Variants in LRP1B observed in about 807,000 individuals in gnomAD.
LRP1B encodes the protein low-density lipoprotein receptor-related protein 1B.
A neutral mutation model predicts 556.6 loss-of-function variants in LRP1B; 217 were observed. That is an observed-to-expected ratio of 0.39 (90% confidence interval 0.35 to 0.44). LRP1B has a LOEUF of 0.44. Ranked by LOEUF, LRP1B falls within the 20% of genes least tolerant of loss-of-function variation. LRP1B has a pLI of 1.00. For missense variants in LRP1B, 5,053 were observed against 5,620.8 expected, an observed-to-expected ratio of 0.90 and a Z score of 3.23; for synonymous variants, 2,047 against 1,865.8, an observed-to-expected ratio of 1.10 and a Z score of -2.50.
In LRP1B at chr2:140,526,343, G is replaced by A. The variant is rs763179654; in HGVS notation, c.7770C>T (p.Thr2590=). The change falls in exon 48 of 91, where the codon ACC becomes ACT. Residue 2590 remains threonine, a synonymous_variant. Coordinates refer to ENST00000389484, the MANE Select transcript of LRP1B (RefSeq NM_018557.3). The part of the protein sequence containing the change: ...NSDELDCKVS[T]CATVEFRCAD... ...CACAGCGGAACTCAACCGTGGCACAGGTTGAAACTAGAAAAACAGGTACAT... is the reference window on the plus strand; with the variant it reads ...CACAGCGGAACTCAACCGTGGCACAAGTTGAAACTAGAAAAACAGGTACAT... The A allele has an allele frequency of 6.2e-7, 1 of 1,607,680 alleles. No homozygotes were observed. Among genetic ancestry groups the A allele is most frequent in the African/African-American group, 1.3e-5 (1 of 74,644 alleles).
chr2:140,636,930 C>T (rs1378538254), intron 41 of LRP1B, among the ~76,000 whole-genome samples: 6 of 152,064 alleles, frequency 3.9e-5, no homozygotes, highest in African/African-American at 1.4e-4. Context: ...AGTCTAAAGC[C>T]ACCAGATTGA....
At chr2:140,897,889 C>T (rs992301212) in intron 23 of LRP1B, among the ~76,000 whole-genome samples, 3 of 152,144 alleles carry the variant, frequency 2.0e-5, no homozygotes, top group Non-Finnish European at 4.4e-5. Context: ...AGCTTGCAGA[C>T]AGCCTATTGT....
chr2:141,276,856 C>A (rs918454421), intron 3 of LRP1B, among the ~76,000 whole-genome samples: 1 of 152,020 alleles, frequency 6.6e-6, no homozygotes, highest in Non-Finnish European at 1.5e-5. Flanking sequence ...TGGGGTTTCA[C>A]CCTGTTAGCC....
At chr2:142,114,962 A>G (rs1707131407) in intron 1 of LRP1B, among the ~76,000 whole-genome samples, 1 of 152,184 alleles carries the variant, frequency 6.6e-6, no homozygotes, top group Admixed American at 6.6e-5. Context: ...CCCAGTTTCA[A>G]TCATTACACA....
chr2:140,862,029 CTT>C (rs1474632642), intron 27 of LRP1B, among the ~76,000 whole-genome samples: 2 of 152,142 alleles, frequency 1.3e-5, no homozygotes, highest in Non-Finnish European at 2.9e-5. Context: ...CTGTAATACT[CTT>C]AAGAAATCTT....
intron 35 of LRP1B, among the ~76,000 whole-genome samples, chr2:140,736,602 A>T (rs1005833111): frequency 1.3e-5 from 2 of 152,184 alleles, no homozygotes; most frequent in Non-Finnish European, 2.9e-5. Flanking sequence ...ATCTTTGACA[A>T]ACCTGACAAA....
At chr2:142,004,050 CA>C (rs1455301870) in intron 1 of LRP1B, among the ~76,000 whole-genome samples, 1 of 152,194 alleles carries the variant, frequency 6.6e-6, no homozygotes, top group African/African-American at 2.4e-5. Flanking sequence ...CATTTAATAA[CA>C]GCTATTATGT....
chr2:140,736,576 C>T (rs887555761), intron 35 of LRP1B, among the ~76,000 whole-genome samples: 1 of 152,080 alleles, frequency 6.6e-6, no homozygotes, highest in African/African-American at 2.4e-5. Context: ...TAATACCACA[C>T]ATCTACAACC....
chr2:140,729,408 A>G (rs1411975685), intron 35 of LRP1B, among the ~76,000 whole-genome samples: 4 of 152,168 alleles, frequency 2.6e-5, no homozygotes, highest in African/African-American at 7.2e-5. Flanking sequence ...CCAAATTCAC[A>G]GGTGACACAT....
At chr2:141,202,667 C>A (rs1393373396) in intron 6 of LRP1B, among the ~76,000 whole-genome samples, 1 of 152,048 alleles carries the variant, frequency 6.6e-6, no homozygotes. Flanking sequence ...CTCTGGTGGT[C>A]AGTGATGTTG....
intron 18 of LRP1B, among the ~76,000 whole-genome samples, chr2:140,981,288 A>C (rs532903765): frequency 6.6e-6 from 1 of 151,994 alleles, no homozygotes; most frequent in African/African-American, 2.4e-5. Flanking sequence ...GGTTAAAAAA[A>C]CCTATTTTTC....
intron 43 of LRP1B, among the ~76,000 whole-genome samples, chr2:140,566,399 C>G (rs1681126993): frequency 6.6e-6 from 1 of 152,134 alleles, no homozygotes; most frequent in Admixed American, 6.5e-5. Context: ...TAAAGTTGTT[C>G]ACCTCCTCCT....
In LRP1B at chr2:140,795,567, C is replaced by G. The variant is rs16844744; in HGVS notation, c.5359+18090G>C. Among the ~76,000 whole-genome samples, 819 of 152,128 alleles carry G rather than the reference C, an allele frequency of 5.4e-3. 9 individuals are homozygous for G. The highest frequency in any genetic ancestry group is 0.019 in the African/African-American group (780 of 41,512). ...TTTTCTTACACCATATCAGATAACGCTGATACTGATTATGAAAAGAGAGAA... is the reference window on the plus strand; with the variant it reads ...TTTTCTTACACCATATCAGATAACGGTGATACTGATTATGAAAAGAGAGAA... On this transcript the variant is annotated intron_variant, in intron 32 of 90. Coordinates refer to ENST00000389484, the MANE Select transcript of LRP1B (RefSeq NM_018557.3).
chr2:141,819,587 G>T (rs187514673), intron 1 of LRP1B, among the ~76,000 whole-genome samples: 1 of 152,274 alleles, frequency 6.6e-6, no homozygotes, highest in African/African-American at 2.4e-5. Context: ...GGATACTAGG[G>T]GCTGGAAAGG....
At chr2:141,928,465 A>ATTGGC (rs1700397444) in intron 1 of LRP1B, among the ~76,000 whole-genome samples, 1 of 152,162 alleles carries the variant, frequency 6.6e-6, no homozygotes, top group Non-Finnish European at 1.5e-5. Context: ...AACAACTGTC[A>ATTGGC]TTGGCTGAAT....
Position 141,119,526 on chromosome 2 carries a change from T to C in LRP1B, c.1014-57253A>G, listed in dbSNP as rs78996070. 9.6e-3 allele frequency among the ~76,000 whole-genome samples: 1,466 copies of C among 151,958 alleles called. 15 individuals are homozygous for C. Among genetic ancestry groups the C allele is most frequent in the Non-Finnish European group, 0.015 (1,034 of 67,822 alleles). ...ATGACTACATCTTCTTCCCAAAGGA[T>C]TGAATCACGTATGCCATTGTCATGC... is the stretch of plus-strand genomic sequence containing the variant. On this transcript the variant is annotated intron_variant, in intron 7 of 90. Coordinates refer to ENST00000389484, the MANE Select transcript of LRP1B (RefSeq NM_018557.3).
chr2:141,701,236 T>C (rs1165078461), intron 2 of LRP1B, among the ~76,000 whole-genome samples: 3 of 151,870 alleles, frequency 2.0e-5, no homozygotes, highest in African/African-American at 7.2e-5. Flanking sequence ...AATTCCTTAG[T>C]ATTTCTTACT....
At chr2:141,191,644 T>C (rs961047296) in intron 6 of LRP1B, among the ~76,000 whole-genome samples, 1 of 150,230 alleles carries the variant, frequency 6.7e-6, no homozygotes, top group African/African-American at 2.4e-5. Flanking sequence ...CTTTATAAAA[T>C]CATAAATATT....
chr2:140,584,176 C>T (rs933586682), intron 43 of LRP1B, among the ~76,000 whole-genome samples: 2 of 151,756 alleles, frequency 1.3e-5, no homozygotes, highest in African/African-American at 2.4e-5. Context: ...TTATAACCTG[C>T]TCAAGAACAA....
Sources: allele counts gnomAD v4.1 joint callset (sites outside exome capture counted in the v4.1 genomes callset), GRCh38; gene constraint gnomAD v4.1.1; transcripts MANE v1.5; gene names NCBI Gene and HGNC (gene_info 2026-07-23, HGNC 2026-07-21).